The following RORA variants were observed in gnomAD, a reference collection of about 807,000 sequenced individuals.
RORA encodes RAR related orphan receptor A.
Under a neutral mutation model 69.5 loss-of-function variants are expected in RORA, and 7 were observed. The observed-to-expected ratio is 0.10, with a 90% CI of 0.06 to 0.19. RORA has a LOEUF of 0.19. Among genes scored for constraint, RORA ranks in the 10% least tolerant of loss-of-function variants. The pLI, the probability that RORA is intolerant of heterozygous loss-of-function variation, is 1.00. For missense variants in RORA, 457 were observed against 663.0 expected, an observed-to-expected ratio of 0.69 and a Z score of 3.41; for synonymous variants, 261 against 240.8, an observed-to-expected ratio of 1.08 and a Z score of -0.78.
rs770881970 is a variant in RORA at position 61,138,236 on chromosome 15, AAAC to A, written c.166+90814_166+90816del. Among the ~76,000 whole-genome samples, 4 of 152,324 alleles carry A rather than the reference AAAC, an allele frequency of 2.6e-5. No homozygotes were observed. The South Asian group carries it at 6.2e-4, about 24-fold the overall frequency. On this transcript the variant is annotated intron_variant, in intron 1 of 10. Coordinates refer to ENST00000335670, the MANE Select transcript of RORA (RefSeq NM_134261.3). ...TAAGATTCATTTGGGTTTTTAAATT[AAAC>A]AACATGATTTATTTTTACTTGTTTT...
At chr15:60,789,410 C>T (rs115757433) in intron 1 of RORA, among the ~76,000 whole-genome samples, 2,297 of 152,310 alleles carry the variant, frequency 0.015, 72 homozygotes, top group African/African-American at 0.053. Context: ...GAAGAGTCTT[C>T]CTTCTATTCC....
In RORA at chr15:60,572,067, A is replaced by T. The variant is rs79470310; in HGVS notation, c.197-40216T>A. ...GAGGCCTGATATCTAAATTCCATGC[A>T]TGAGATTCCATAAGTCTATGGAAAA... On this transcript the variant is annotated intron_variant, in intron 2 of 10. Transcript: ENST00000335670. Among the ~76,000 whole-genome samples the T allele has an allele frequency of 1.5e-4, 23 of 152,346 alleles. No homozygotes were observed. In the East Asian group the frequency reaches 3.5e-3, roughly 23 times the overall value.
chr15:61,105,337 G>A (rs990347942), intron 1 of RORA, among the ~76,000 whole-genome samples: 38 of 152,198 alleles, frequency 2.5e-4, no homozygotes, highest in Admixed American at 8.5e-4. Flanking sequence ...GTTCCAACAC[G>A]GAACATGATA....
chr15:61,038,970 G>T (rs1357673876), intron 1 of RORA: 1 of 152,310 alleles, frequency 6.6e-6, no homozygotes, highest in Non-Finnish European at 1.5e-5. Context: ...AGGCAAGAGG[G>T]TAAAGGGATA....
intron 1 of RORA, among the ~76,000 whole-genome samples, chr15:60,900,570 T>A (rs890703322): frequency 6.6e-6 from 1 of 152,068 alleles, no homozygotes; most frequent in African/African-American, 2.4e-5. Flanking sequence ...TGCCTTATAA[T>A]CTATAAAATG....
intron 1 of RORA, among the ~76,000 whole-genome samples, chr15:61,032,269 C>T (rs1012942570): frequency 6.6e-6 from 1 of 152,060 alleles, no homozygotes; most frequent in African/African-American, 2.4e-5. Context: ...AAAATGTGAC[C>T]CAAATGTAAT....
chr15:60,942,349 C>A (rs892541174), intron 1 of RORA, among the ~76,000 whole-genome samples: 1 of 152,200 alleles, frequency 6.6e-6, no homozygotes, highest in Non-Finnish European at 1.5e-5. Flanking sequence ...CAAATCAGTG[C>A]TCTTCCCCCT....
chr15:60,517,400 T>A (rs1409413706), intron 3 of RORA, among the ~76,000 whole-genome samples: 2 of 151,816 alleles, frequency 1.3e-5, no homozygotes, highest in Non-Finnish European at 2.9e-5. Flanking sequence ...ACTCTACCCT[T>A]GATCAAGTCC....
intron 1 of RORA, among the ~76,000 whole-genome samples, chr15:60,949,684 C>T (rs889250932): frequency 6.6e-6 from 1 of 152,188 alleles, no homozygotes; most frequent in Non-Finnish European, 1.5e-5. Flanking sequence ...GCCACAGATC[C>T]CATAGTGTGG....
intron 1 of RORA, among the ~76,000 whole-genome samples, chr15:60,862,902 C>G (rs548450029): frequency 6.6e-6 from 1 of 152,204 alleles, no homozygotes; most frequent in Non-Finnish European, 1.5e-5. Flanking sequence ...TGCTTCAAGA[C>G]TGCCCTTTTT....
intron 1 of RORA, among the ~76,000 whole-genome samples, chr15:61,111,794 T>A (rs960119990): frequency 1.1e-4 from 17 of 152,170 alleles, no homozygotes; most frequent in Non-Finnish European, 2.1e-4. Context: ...AAGGCAAAGA[T>A]AAAAAAATTA....
chr15:61,164,217 A>G (rs2079522023), intron 1 of RORA, among the ~76,000 whole-genome samples: 1 of 152,056 alleles, frequency 6.6e-6, no homozygotes, highest in South Asian at 2.1e-4. Flanking sequence ...TTTGAGTATA[A>G]GGTTTCATCA....
At chr15:60,663,472 T>TG (rs1395751422) in intron 2 of RORA, among the ~76,000 whole-genome samples, 2 of 152,230 alleles carry the variant, frequency 1.3e-5, no homozygotes, top group East Asian at 3.9e-4. Flanking sequence ...TTGTTGTTGC[T>TG]GTTACGGAGT....
intron 1 of RORA, among the ~76,000 whole-genome samples, chr15:60,836,440 T>C (rs2073116478): frequency 6.6e-6 from 1 of 152,156 alleles, no homozygotes; most frequent in African/African-American, 2.4e-5. Context: ...CCTCCCTCTC[T>C]GCCTGTCCAG....
At chr15:61,133,332 A>G (rs988422011) in intron 1 of RORA, among the ~76,000 whole-genome samples, 4 of 152,192 alleles carry the variant, frequency 2.6e-5, no homozygotes, top group Non-Finnish European at 4.4e-5. Context: ...CACAATGTGC[A>G]TGGCAGAACT....
intron 1 of RORA, among the ~76,000 whole-genome samples, chr15:60,929,194 C>T (rs28523456): frequency 0.04 from 6,022 of 152,190 alleles, 387 homozygotes; most frequent in African/African-American, 0.14. Flanking sequence ...CTTGTCAAGA[C>T]GGCAAGCTTT....
At chr15:61,031,765 A>G (rs1896182145) in intron 1 of RORA, among the ~76,000 whole-genome samples, 1 of 152,194 alleles carries the variant, frequency 6.6e-6, no homozygotes, top group African/African-American at 2.4e-5. Context: ...GGAAGGATAA[A>G]TCTGCTATTA....
chr15:60,764,083 T>C (rs1183053295), intron 1 of RORA: 1 of 151,906 alleles, frequency 6.6e-6, no homozygotes, highest in African/African-American at 2.4e-5. Flanking sequence ...ATTAATAAGG[T>C]GAGAGAATAG....
At chr15:61,192,748 G>A (rs956525257) in intron 1 of RORA, among the ~76,000 whole-genome samples, 6 of 152,184 alleles carry the variant, frequency 3.9e-5, no homozygotes, top group African/African-American at 1.4e-4. Flanking sequence ...TATGTGATTT[G>A]TTTCCTAGAG....
Sources: allele counts gnomAD v4.1 joint callset (sites outside exome capture counted in the v4.1 genomes callset), GRCh38; gene constraint gnomAD v4.1.1; transcripts MANE v1.5; gene names NCBI Gene and HGNC (gene_info 2026-07-23, HGNC 2026-07-21).